CDKAL1: variants seen among roughly 807,000 people sequenced by gnomAD.
The protein encoded by CDKAL1 is threonylcarbamoyladenosine tRNA methylthiotransferase.
CDKAL1 carries 32 observed loss-of-function variants against 68.2 expected under a neutral mutation model. The observed-to-expected ratio is 0.47, with a 90% CI of 0.35 to 0.63. The LOEUF (loss-of-function observed/expected upper bound fraction) is 0.63, where lower values mean the gene tolerates loss of function less well. Ranked by LOEUF, CDKAL1 falls within the 30% of genes least tolerant of loss-of-function variation. CDKAL1 has a pLI of 0.00. For synonymous variants in CDKAL1, 234 were observed against 244.3 expected, an observed-to-expected ratio of 0.96 and a Z score of 0.39; for missense variants, 606 against 696.7, an observed-to-expected ratio of 0.87 and a Z score of 1.47.
intron 5 of CDKAL1, among the ~76,000 whole-genome samples, chr6:20,708,389 G>T (rs563418884): frequency 3.3e-5 from 5 of 152,314 alleles, no homozygotes; most frequent in African/African-American, 9.6e-5. Context: ...AGAAAAGGGT[G>T]CAGGAATTTC....
At chr6:21,060,992 A>G (rs1470233793) in intron 11 of CDKAL1, among the ~76,000 whole-genome samples, 2 of 152,276 alleles carry the variant, frequency 1.3e-5, no homozygotes, top group African/African-American at 2.4e-5. Flanking sequence ...ATTATTTTCC[A>G]TATTTTTGCC....
intron 13 of CDKAL1, among the ~76,000 whole-genome samples, chr6:21,113,920 A>G (rs1311294101): frequency 6.6e-6 from 1 of 151,920 alleles, no homozygotes; most frequent in African/African-American, 2.4e-5. Flanking sequence ...AGCCTGGGCA[A>G]CAGAGCAAGA....
At chr6:20,672,184 C>T (rs1166613528) in intron 5 of CDKAL1, among the ~76,000 whole-genome samples, 1 of 149,558 alleles carries the variant, frequency 6.7e-6, no homozygotes, top group Non-Finnish European at 1.5e-5. Flanking sequence ...CTTTCTCTTT[C>T]TCTCTCTCTC....
At chr6:21,126,977 G>A (rs1228755663) in intron 13 of CDKAL1, among the ~76,000 whole-genome samples, 1 of 152,100 alleles carries the variant, frequency 6.6e-6, no homozygotes, top group Non-Finnish European at 1.5e-5. Flanking sequence ...CAAAGTGGCT[G>A]CCCCAGCTCC....
intron 5 of CDKAL1, among the ~76,000 whole-genome samples, chr6:20,722,168 G>C (rs1772409385): frequency 6.6e-6 from 1 of 152,076 alleles, no homozygotes; most frequent in Admixed American, 6.6e-5. Flanking sequence ...CTTTAATTAT[G>C]AAGGTCAGCT....
intron 12 of CDKAL1, 101 bp from the exon 13 acceptor site, chr6:21,108,298 ACT>A: frequency 3.2e-6 from 2 of 624,762 alleles, no homozygotes; most frequent in Middle Eastern, 4.4e-4. Context: ...AAAAAAAAAA[ACT>A]TTATGTATGT....
intron 7 of CDKAL1, among the ~76,000 whole-genome samples, chr6:20,768,846 A>G (rs1774812931): frequency 1.3e-5 from 2 of 152,148 alleles, no homozygotes; most frequent in Non-Finnish European, 2.9e-5. Flanking sequence ...AGTGATTCTC[A>G]AGAATGTTTG....
At chr6:21,153,620 G>A (rs1159378215) in intron 13 of CDKAL1, among the ~76,000 whole-genome samples, 3 of 151,952 alleles carry the variant, frequency 2.0e-5, no homozygotes, top group Admixed American at 1.3e-4. Context: ...TAAAACCTGA[G>A]GACATGAGTT....
chr6:20,749,280 C>G (rs1773809029), intron 6 of CDKAL1, among the ~76,000 whole-genome samples: 1 of 152,162 alleles, frequency 6.6e-6, no homozygotes, highest in African/African-American at 2.4e-5. Context: ...ACTGCAAGAT[C>G]TCACATACTC....
intron 4 of CDKAL1, among the ~76,000 whole-genome samples, chr6:20,588,231 C>T (rs1168210128): frequency 6.6e-6 from 1 of 152,204 alleles, no homozygotes; most frequent in Non-Finnish European, 1.5e-5. Flanking sequence ...GATTCCCTTT[C>T]CCTAGCATTT....
chr6:20,769,340 C>T (rs1021374433), intron 7 of CDKAL1, among the ~76,000 whole-genome samples: 1 of 148,936 alleles, frequency 6.7e-6, no homozygotes, highest in African/African-American at 2.5e-5. Context: ...CTCACTGCAG[C>T]CTCCACCTCC....
Position 20,710,808 on chromosome 6 carries a change from A to T in CDKAL1, c.372-28711A>T, listed in dbSNP as rs551538008. 1.1e-3 allele frequency among the ~76,000 whole-genome samples: 167 copies of T among 152,270 alleles called. 2 individuals carry two copies. The highest frequency in any genetic ancestry group is 1.5e-3 in the Non-Finnish European group (100 of 67,980). ...AGTAATGGATTATTTTTGTTTGGCCAAGTATTTTCAGTAAATTTTAATAGG... is the reference window on the plus strand; with the variant it reads ...AGTAATGGATTATTTTTGTTTGGCCTAGTATTTTCAGTAAATTTTAATAGG... On this transcript the variant is annotated intron_variant, in intron 5 of 15. Transcript: ENST00000274695.
At chr6:20,813,955 A>G (rs1776931499) in intron 8 of CDKAL1, among the ~76,000 whole-genome samples, 1 of 151,902 alleles carries the variant, frequency 6.6e-6, no homozygotes, top group Non-Finnish European at 1.5e-5. Flanking sequence ...CAGTTTTTAC[A>G]AAAAAATGCC....
At chr6:20,868,304 A>G (rs112842837) in intron 9 of CDKAL1, among the ~76,000 whole-genome samples, 13 of 152,324 alleles carry the variant, frequency 8.5e-5, no homozygotes, top group African/African-American at 2.9e-4. Context: ...TCCATTGATA[A>G]CACTAAATTT....
At chr6:20,820,942 G>A (rs771919546) in intron 8 of CDKAL1, among the ~76,000 whole-genome samples, 1 of 151,978 alleles carries the variant, frequency 6.6e-6, no homozygotes, top group Non-Finnish European at 1.5e-5. Flanking sequence ...ATGTAGAGCT[G>A]TTTTGGACAG....
At chr6:20,547,574 TGTTTATCTA>T (rs1422759975) in intron 3 of CDKAL1, among the ~76,000 whole-genome samples, 1 of 152,208 alleles carries the variant, frequency 6.6e-6, no homozygotes, top group Non-Finnish European at 1.5e-5. Flanking sequence ...AGCCTATATT[TGTTTATCTA>T]GTCAACTGCT....
At chr6:20,957,737 G>A (rs1028881385) in intron 10 of CDKAL1, among the ~76,000 whole-genome samples, 6 of 152,078 alleles carry the variant, frequency 3.9e-5, no homozygotes, top group African/African-American at 7.2e-5. Flanking sequence ...TTGGGAGGCC[G>A]AGGCAGGTGG....
chr6:20,565,492 A>C (rs538311217), intron 4 of CDKAL1, among the ~76,000 whole-genome samples: 1 of 152,254 alleles, frequency 6.6e-6, no homozygotes, highest in Non-Finnish European at 1.5e-5. Context: ...GCTTGGGGGA[A>C]GTGAAGGCAC....
intron 6 of CDKAL1, among the ~76,000 whole-genome samples, chr6:20,753,258 T>C (rs1478390965): frequency 6.8e-6 from 1 of 147,278 alleles, no homozygotes; most frequent in Non-Finnish European, 1.5e-5. Flanking sequence ...ATTGTGACCT[T>C]TTTGTCTAGC....
Sources: gnomAD v4.1 joint callset for allele counts (sites outside exome capture counted in the v4.1 genomes callset) on GRCh38, gnomAD v4.1.1 for gene constraint, MANE v1.5 for transcripts, NCBI Gene and HGNC (gene_info 2026-07-23, HGNC 2026-07-21) for gene names.